Variants in RASGRF2 observed in about 807,000 individuals in gnomAD.
RASGRF2 encodes ras-specific guanine nucleotide-releasing factor 2.
In RASGRF2, 76 loss-of-function variants were observed where a neutral mutation model predicts 151.0. The observed-to-expected ratio is 0.50, with a 90% CI of 0.42 to 0.61. RASGRF2 has a LOEUF of 0.61. Among genes scored for constraint, RASGRF2 ranks in the 20% least tolerant of loss-of-function variants. RASGRF2 has a pLI of 0.00. For synonymous variants in RASGRF2, 504 were observed against 566.5 expected (o/e 0.89, Z 1.57); for missense variants, 1,148 against 1,564.6 (o/e 0.73, Z 4.49).
intron 5 of RASGRF2, among the ~76,000 whole-genome samples, chr5:81,076,875 G>C (rs1458411765): frequency 6.6e-6 from 1 of 152,270 alleles, no homozygotes; most frequent in Non-Finnish European, 1.5e-5. Flanking sequence ...TTTCCAGTGA[G>C]ATCAGTCAGG....
chr5:81,030,745 A>G (rs1750210396), intron 1 of RASGRF2, among the ~76,000 whole-genome samples: 1 of 152,242 alleles, frequency 6.6e-6, no homozygotes, highest in Admixed American at 6.5e-5. Context: ...GCATCAACTA[A>G]GGAGCAAAAT....
intron 19 of RASGRF2, among the ~76,000 whole-genome samples, chr5:81,205,999 T>G (rs1755497356): frequency 6.6e-6 from 1 of 152,144 alleles, no homozygotes; most frequent in South Asian, 2.1e-4. Flanking sequence ...TCTGCCCTCC[T>G]ACTATTTTAA....
At chr5:81,191,631 A>AT (rs1377879385) in intron 18 of RASGRF2, among the ~76,000 whole-genome samples, 4 of 152,020 alleles carry the variant, frequency 2.6e-5, no homozygotes, top group Non-Finnish European at 4.4e-5. Flanking sequence ...ATGACAATCC[A>AT]TATAAATTTA....
chr5:81,096,829 A>G (rs950522083), intron 12 of RASGRF2, among the ~76,000 whole-genome samples: 3 of 151,952 alleles, frequency 2.0e-5, no homozygotes, highest in Non-Finnish European at 2.9e-5. Flanking sequence ...GAAATATACA[A>G]CTTCCTCCTT....
At chr5:81,048,688 C>G (rs952461985) in intron 2 of RASGRF2, among the ~76,000 whole-genome samples, 3 of 152,208 alleles carry the variant, frequency 2.0e-5, no homozygotes, top group Non-Finnish European at 4.4e-5. Flanking sequence ...CCTCATGATT[C>G]TCTTTGCCTG....
At chr5:81,089,040 G>A (rs1752319076) in intron 9 of RASGRF2, among the ~76,000 whole-genome samples, 1 of 152,114 alleles carries the variant, frequency 6.6e-6, no homozygotes, top group Non-Finnish European at 1.5e-5. Flanking sequence ...AGTTGTTTAA[G>A]AGTTATACAG....
At chr5:80,995,693 C>CCCCCCCCT (rs58481061) in intron 1 of RASGRF2, among the ~76,000 whole-genome samples, 1 of 97,336 alleles carries the variant, frequency 1.0e-5, no homozygotes, top group Non-Finnish European at 2.0e-5. Context: ...TTCCCCCCCC[C>CCCCCCCCT]TTTTTTTTTT....
intron 1 of RASGRF2, among the ~76,000 whole-genome samples, chr5:80,969,913 G>A (rs1422704172): frequency 8.3e-5 from 11 of 132,022 alleles, no homozygotes; most frequent in South Asian, 5.3e-4. Flanking sequence ...TGCAACCTCC[G>A]CGACCTGGGT....
At chr5:81,123,910 G>A (rs144601440) in intron 16 of RASGRF2, 143 bp downstream of exon 16, 11,853 of 1,145,824 alleles carry the variant, frequency 0.01, 184 homozygotes, top group South Asian at 0.063. Flanking sequence ...AAATACAGTC[G>A]GCCCTTTGTA....
intron 1 of RASGRF2, among the ~76,000 whole-genome samples, chr5:81,026,056 C>CTTCTTCCTTCCATCCTTCCCTCCT (rs1750016009): frequency 2.5e-5 from 1 of 39,250 alleles, no homozygotes; most frequent in African/African-American, 1.8e-4. Flanking sequence ...CCATCCTTCC[C>CTTCTTCCTTCCATCCTTCCCTCCT]TTCTTCTCCT....
chr5:80,983,305 C>G (rs1170807982), intron 1 of RASGRF2, among the ~76,000 whole-genome samples: 1 of 152,226 alleles, frequency 6.6e-6, no homozygotes, highest in Non-Finnish European at 1.5e-5. Flanking sequence ...GGTGGACTCT[C>G]CATCTGGGAG....
At chr5:81,021,475 T>A (rs1749822721) in intron 1 of RASGRF2, among the ~76,000 whole-genome samples, 2 of 152,154 alleles carry the variant, frequency 1.3e-5, no homozygotes, top group South Asian at 2.1e-4. Flanking sequence ...AAAGGCCCCT[T>A]TTAGTAATTC....
chr5:81,151,805 C>T (rs1189353871), intron 17 of RASGRF2, among the ~76,000 whole-genome samples: 1 of 152,164 alleles, frequency 6.6e-6, no homozygotes, highest in African/African-American at 2.4e-5. Flanking sequence ...CTACACTCAG[C>T]TATATTGGTG....
intron 18 of RASGRF2, among the ~76,000 whole-genome samples, chr5:81,190,738 C>T (rs1304405978): frequency 6.6e-6 from 1 of 152,134 alleles, no homozygotes; most frequent in Non-Finnish European, 1.5e-5. Flanking sequence ...TTTAAACTCT[C>T]CTTACAGTGA....
intron 1 of RASGRF2, among the ~76,000 whole-genome samples, chr5:81,001,946 A>C (rs1749094498): frequency 6.6e-6 from 1 of 152,202 alleles, no homozygotes; most frequent in Non-Finnish European, 1.5e-5. Flanking sequence ...ATTGAGGGGT[A>C]ACAGAATTGG....
chr5:81,085,530 T>TA lies in RASGRF2; in HGVS notation c.1162-263dup, dbSNP rs200794610. Among the ~76,000 whole-genome samples the TA allele has an allele frequency of 4.4e-3, 672 of 151,778 alleles. 10 individuals carry two copies. The highest frequency in any genetic ancestry group is 0.015 in the African/African-American group (639 of 41,416). On this transcript the variant is annotated intron_variant, in intron 7 of 26. Transcript: ENST00000265080. ...TATGATTCAAAAGTGTATGATTATG[T>TA]AAAAAAAAATTAAAGAAACAACCAT...
chr5:81,166,236 G>A (rs767238627), intron 17 of RASGRF2, among the ~76,000 whole-genome samples: 2 of 151,968 alleles, frequency 1.3e-5, no homozygotes, highest in Non-Finnish European at 2.9e-5. Context: ...ACCCAGGCTG[G>A]AATGCAGTGG....
rs550382030 is a variant in RASGRF2, at chr5:81,211,168, A to G, written c.3157-1198A>G. On this transcript the variant is annotated intron_variant, in intron 22 of 26. Coordinates refer to ENST00000265080, the MANE Select transcript of RASGRF2 (RefSeq NM_006909.3). ...CCAGAAAAAAAAAAAAAAAAGACTC[A>G]GTGCAGGCGTGACCTCTTCCTAGAA... 2.0e-5 allele frequency among the ~76,000 whole-genome samples: 3 copies of G among 147,206 alleles called. No homozygotes were observed. The South Asian group carries it at 6.5e-4, about 32-fold the overall frequency.
At chr5:81,119,686 A>G (rs906159126) in intron 15 of RASGRF2, among the ~76,000 whole-genome samples, 2 of 152,224 alleles carry the variant, frequency 1.3e-5, no homozygotes, top group Non-Finnish European at 2.9e-5. Flanking sequence ...GAGCTTTGTC[A>G]TGTGGCAGCA....
Sources: allele counts gnomAD v4.1 joint callset (sites outside exome capture counted in the v4.1 genomes callset), GRCh38; gene constraint gnomAD v4.1.1; transcripts MANE v1.5; gene names NCBI Gene and HGNC (gene_info 2026-07-23, HGNC 2026-07-21).